TNC: variants seen among roughly 807,000 people sequenced by gnomAD.
The protein encoded by TNC is tenascin C.
In TNC, 109 loss-of-function variants were observed where a neutral mutation model predicts 202.4. The observed-to-expected ratio is 0.54, with a 90% CI of 0.46 to 0.63. The LOEUF is 0.63. Ranked by LOEUF, TNC falls within the 30% of genes least tolerant of loss-of-function variation. TNC has a pLI of 0.00. For synonymous variants in TNC, 1,007 were observed against 1,089.7 expected, an observed-to-expected ratio of 0.92 and a Z score of 1.50; for missense variants, 2,756 against 2,833.3, an observed-to-expected ratio of 0.97 and a Z score of 0.62.
At chr9:115,048,156 G>A in intron 16 of TNC, 104 bp downstream of exon 16, 2 of 1,373,784 alleles carry the variant, frequency 1.5e-6, no homozygotes, top group Non-Finnish European at 2.0e-6. Flanking sequence ...TATGGATTAA[G>A]TAGGGAATGT....
At chr9:115,099,986 G>A (rs773287533) in intron 1 of TNC, among the ~76,000 whole-genome samples, 3 of 152,180 alleles carry the variant, frequency 2.0e-5, no homozygotes, top group Non-Finnish European at 4.4e-5. Flanking sequence ...TTCTAACTCA[G>A]TAGCAAGAAA....
chr9:115,111,043 C>A (rs925799569), intron 1 of TNC, among the ~76,000 whole-genome samples: 2 of 152,068 alleles, frequency 1.3e-5, no homozygotes, highest in African/African-American at 4.8e-5. Flanking sequence ...CCACACCCAG[C>A]TAATTTTTTG....
chr9:115,042,457 C>T, intron 17 of TNC, 116 bp from the exon 18 acceptor site: 3 of 1,410,090 alleles, frequency 2.1e-6, no homozygotes, highest in Non-Finnish European at 2.9e-6. Context: ...GTGTCTGAGC[C>T]AAGCCTTTAG....
At chr9:115,051,528 C>CTT (rs1249354542) in intron 15 of TNC, among the ~76,000 whole-genome samples, 1 of 90,706 alleles carries the variant, frequency 1.1e-5, no homozygotes, top group Non-Finnish European at 2.3e-5. Context: ...TTTCTTTTTT[C>CTT]TTTTTTTTCT....
rs770163640 is a variant in TNC, at chr9:115,087,203, G to A, written c.528C>T (p.Cys176=). The part of the protein sequence containing the change: ...NFSTEGCGCV[C]EPGWKGPNCS... ...AGTTGGGGCCTTTCCAGCCAGGTTC[G>A]CAGACACAGCCACATCCTTCAGTGC... The change falls in exon 3 of 28, where the codon TGC becomes TGT. Residue 176 remains cysteine, a synonymous_variant. Transcript: ENST00000350763. 1.4e-5 allele frequency: 23 copies of A among 1,614,088 alleles called. No homozygotes were observed. Among genetic ancestry groups the A allele is most frequent in the Non-Finnish European group, 1.6e-5 (19 of 1,180,052 alleles).
chr9:115,027,928 A>G (rs373442840), intron 25 of TNC, among the ~76,000 whole-genome samples: 50 of 152,162 alleles, frequency 3.3e-4, no homozygotes, highest in Non-Finnish European at 6.0e-4. Context: ...GTGACCATCA[A>G]GTAGGACTCG....
chr9:115,042,319 G>C lies in TNC; in HGVS notation c.5148C>G (p.Val1716=). Residue 1716 remains valine, a synonymous_variant, in exon 18 of 28, where the codon GTC becomes GTG. Transcript: ENST00000350763. The part of the protein sequence containing the change: ...ATTAMGSPKE[V]IFSDITENSA... ...AATTTTCAGTGATGTCTGAGAAAAT[G>C]ACTTCCTTTGGGGAGCCCATGGCTG... 6.2e-7 allele frequency: 1 copy of C among 1,614,102 alleles called. No individual in the cohort carries two copies. The highest frequency in any genetic ancestry group is 1.1e-5 in the South Asian group (1 of 91,058).
chr9:115,075,640 C>T (rs1833788154), intron 9 of TNC, among the ~76,000 whole-genome samples: 1 of 152,102 alleles, frequency 6.6e-6, no homozygotes. Flanking sequence ...CAAAAATTAG[C>T]TGGGCGTGGT....
At chr9:115,109,061 A>T (rs1836840620) in intron 1 of TNC, among the ~76,000 whole-genome samples, 1 of 152,208 alleles carries the variant, frequency 6.6e-6, no homozygotes, top group African/African-American at 2.4e-5. Context: ...TGGACATATG[A>T]GCTGTGCATT....
At chr9:115,111,882 C>G (rs1338723598) in intron 1 of TNC, among the ~76,000 whole-genome samples, 2 of 152,084 alleles carry the variant, frequency 1.3e-5, no homozygotes, top group Admixed American at 1.3e-4. Flanking sequence ...AGCTTGGAAG[C>G]TAATCATCCC....
At position 115,078,867 on chromosome 9, in the gene TNC, C is replaced by T. The variant is rs373616057; in HGVS notation, c.2405-655G>A. Among the ~76,000 whole-genome samples, 18 of 152,270 alleles carry T rather than the reference C, an allele frequency of 1.2e-4. No homozygotes were observed. In the East Asian group the frequency reaches 1.7e-3, roughly 15 times the overall value. ...GGAAGCACATTATGCTGTTGGGCAC[C>T]GCCTGGTCTCTGTACATGCTGTTCT... On this transcript the variant is annotated intron_variant, in intron 6 of 27. Transcript: ENST00000350763.
intron 23 of TNC, among the ~76,000 whole-genome samples, chr9:115,031,316 C>A (rs1407038817): frequency 1.3e-5 from 2 of 152,180 alleles, no homozygotes; most frequent in Non-Finnish European, 2.9e-5. Flanking sequence ...ATTCTTAAGG[C>A]ACACCTAGCA....
At position 115,077,997 on chromosome 9, in the gene TNC, T is replaced by C. The variant is rs61737743; in HGVS notation, c.2620A>G (p.Ile874Val). 2.0e-3 allele frequency: 3,219 copies of C among 1,614,216 alleles called. 68 individuals are homozygous for C. In the African/African-American group the frequency reaches 0.037, roughly 18 times the overall value. The change falls in exon 7 of 28, where the codon ATC becomes GTC. Residue 874 changes from isoleucine (I) to valine (V), a missense_variant. Coordinates refer to ENST00000350763, the MANE Select transcript of TNC (RefSeq NM_002160.4). ...KPDTEYEVSLISRRGDMSSNP... is the reference protein window; with the variant it reads ...KPDTEYEVSLVSRRGDMSSNP... ...CTTGACATGTCACCTCTGCGGGAGA[T>C]GAGGGACACCTCGTACTCAGTGTCA...
At chr9:115,034,705 G>T (rs1027758481) in intron 22 of TNC, among the ~76,000 whole-genome samples, 1 of 152,204 alleles carries the variant, frequency 6.6e-6, no homozygotes, top group African/African-American at 2.4e-5. Context: ...TCCTTCGCTT[G>T]TTTGAAGATC....
intron 9 of TNC, among the ~76,000 whole-genome samples, chr9:115,075,831 T>C (rs1833803536): frequency 6.6e-6 from 1 of 152,146 alleles, no homozygotes; most frequent in Admixed American, 6.5e-5. Flanking sequence ...CCCTTTTCCA[T>C]ACAGGGGATG....
chr9:115,060,077 T>A, intron 13 of TNC, 75 bp from the exon 14 acceptor site: 1 of 1,408,982 alleles, frequency 7.1e-7, no homozygotes, highest in Non-Finnish European at 9.5e-7. Context: ...ACAGCCCAAC[T>A]CTAGGAAAGA....
At chr9:115,114,863 G>T (rs913101621) in intron 1 of TNC, 1 of 152,180 alleles carries the variant, frequency 6.6e-6, no homozygotes, top group Non-Finnish European at 1.5e-5. Flanking sequence ...TTTATAATTT[G>T]TAGTGTCTGA....
At chr9:115,076,232 T>A (rs1833840587) in intron 8 of TNC, 111 bp from the exon 9 acceptor site, 1 of 1,428,962 alleles carries the variant, frequency 7.0e-7, no homozygotes, top group Non-Finnish European at 9.8e-7. Context: ...ATTTTCGGAA[T>A]GTTTTACAAA....
chr9:115,075,373 T>G (rs1020048620), intron 9 of TNC, among the ~76,000 whole-genome samples: 1 of 152,158 alleles, frequency 6.6e-6, no homozygotes, highest in Non-Finnish European at 1.5e-5. Context: ...GTTAGGTGTT[T>G]TCTCAGAGAA....
Sources: allele counts gnomAD v4.1 joint callset (sites outside exome capture counted in the v4.1 genomes callset), GRCh38; gene constraint gnomAD v4.1.1; transcripts MANE v1.5; gene names NCBI Gene and HGNC (gene_info 2026-07-23, HGNC 2026-07-21).